PHF21A: variants seen among roughly 807,000 people sequenced by gnomAD.
PHF21A encodes PHD finger protein 21A, also known as BHC80a.
In PHF21A, 11 loss-of-function variants were observed where a neutral mutation model predicts 82.5. That is an observed-to-expected ratio of 0.13 (90% CI 0.08 to 0.22). The LOEUF (loss-of-function observed/expected upper bound fraction) is 0.22, where lower values mean the gene tolerates loss of function less well. Ranked by LOEUF, PHF21A falls within the 10% of genes least tolerant of loss-of-function variation. The pLI is 1.00. For synonymous variants in PHF21A, 297 were observed against 302.8 expected, an observed-to-expected ratio of 0.98 and a Z score of 0.20; for missense variants, 579 against 837.8, an observed-to-expected ratio of 0.69 and a Z score of 3.81.
chr11:45,939,046 A>T (rs760024902), intron 15 of PHF21A, among the ~76,000 whole-genome samples: 16 of 152,232 alleles, frequency 1.1e-4, no homozygotes, highest in Admixed American at 2.0e-4. Flanking sequence ...GTTAGCCAGG[A>T]TGGTCTCGAT....
intron 6 of PHF21A, among the ~76,000 whole-genome samples, chr11:46,025,012 A>G (rs2095711043): frequency 6.6e-6 from 1 of 152,178 alleles, no homozygotes; most frequent in South Asian, 2.1e-4. Context: ...ATGCTGTTCC[A>G]CCTCGCTTCT....
intron 6 of PHF21A, among the ~76,000 whole-genome samples, chr11:45,992,550 A>G (rs964990124): frequency 2.6e-4 from 40 of 152,186 alleles, no homozygotes; most frequent in African/African-American, 9.2e-4. Flanking sequence ...CCGTCTCAAA[A>G]AAGAAAATTT....
chr11:45,971,142 T>C lies in PHF21A; in HGVS notation c.586A>G (p.Ile196Val). ...VTGPGAEAVQIVAKNTVTLQV... is the reference protein window; with the variant it reads ...VTGPGAEAVQVVAKNTVTLQV... The stretch of plus-strand genomic sequence containing the variant: ...AGAGTGACTGTGTTTTTTGCCACAA[T>C]TTGGACAGCCTCTGCCCCAGGCCCA... The change falls in exon 8 of 19, where the codon ATT becomes GTT. Residue 196 changes from isoleucine (I) to valine (V), a missense_variant. Ile to Val is a conservative substitution (Grantham distance 29, BLOSUM62 3). This residue lies in a region of PHF21A where 410 missense variants were observed against 642.1 expected (regional missense o/e 0.64). Coordinates refer to ENST00000676320, the MANE Select transcript of PHF21A (RefSeq NM_001352027.3). 6.2e-7 allele frequency: 1 copy of C among 1,614,174 alleles called. No homozygotes were observed. The highest frequency in any genetic ancestry group is 1.3e-5 in the African/African-American group (1 of 75,054).
chr11:46,113,077 G>C (rs145321178), intron 1 of PHF21A, among the ~76,000 whole-genome samples: 1 of 152,312 alleles, frequency 6.6e-6, no homozygotes, highest in Non-Finnish European at 1.5e-5. Flanking sequence ...GGGCTGGGAA[G>C]CTGTGTATAA....
At chr11:46,011,922 A>C (rs2095422234) in intron 6 of PHF21A, among the ~76,000 whole-genome samples, 1 of 152,238 alleles carries the variant, frequency 6.6e-6, no homozygotes, top group South Asian at 2.1e-4. Flanking sequence ...AGGCACAAAA[A>C]TTAGAAGCAA....
intron 6 of PHF21A, among the ~76,000 whole-genome samples, chr11:45,982,915 G>A (rs1005145872): frequency 1.3e-5 from 2 of 152,126 alleles, no homozygotes; most frequent in Non-Finnish European, 2.9e-5. Context: ...TACTATACCA[G>A]TCACAAAAGG....
At chr11:46,098,556 T>C (rs1406572290) in intron 1 of PHF21A, among the ~76,000 whole-genome samples, 5 of 152,338 alleles carry the variant, frequency 3.3e-5, no homozygotes, top group Admixed American at 2.6e-4. Context: ...AAAATCCTTA[T>C]TCACAAGCTT....
At chr11:45,989,930 TG>T (rs1191427517) in intron 6 of PHF21A, among the ~76,000 whole-genome samples, 15 of 151,852 alleles carry the variant, frequency 9.9e-5, no homozygotes, top group African/African-American at 1.5e-4. Context: ...AGGTTGAGGC[TG>T]CAGTGAGCCA....
At chr11:45,946,368 C>T (rs1458503726) in intron 14 of PHF21A, among the ~76,000 whole-genome samples, 1 of 152,014 alleles carries the variant, frequency 6.6e-6, no homozygotes, top group Non-Finnish European at 1.5e-5. Flanking sequence ...GGAGCCAGGG[C>T]CAGGAATGAG....
intron 6 of PHF21A, among the ~76,000 whole-genome samples, chr11:46,013,528 T>A (rs2095452986): frequency 6.6e-6 from 1 of 152,188 alleles, no homozygotes; most frequent in Non-Finnish European, 1.5e-5. Context: ...GGGGGAGTAC[T>A]GTGTAATGTC....
chr11:46,040,439 G>A (rs946838064), intron 6 of PHF21A, among the ~76,000 whole-genome samples: 4 of 152,188 alleles, frequency 2.6e-5, no homozygotes, highest in African/African-American at 9.7e-5. Context: ...ATAAGTAGAA[G>A]AGAAAATGTC....
intron 6 of PHF21A, among the ~76,000 whole-genome samples, chr11:46,018,152 A>G (rs1016045696): frequency 3.3e-5 from 5 of 150,964 alleles, no homozygotes; most frequent in Admixed American, 6.6e-5. Context: ...TGGGAGGCTG[A>G]GGCAGGAGAA....
intron 4 of PHF21A, among the ~76,000 whole-genome samples, chr11:46,082,643 T>C (rs1024012518): frequency 3.3e-5 from 5 of 152,172 alleles, no homozygotes; most frequent in East Asian, 3.8e-4. Context: ...TTAAGAACTA[T>C]ATCCCTTTTG....
chr11:46,018,112 T>C (rs2095553660), intron 6 of PHF21A, among the ~76,000 whole-genome samples: 1 of 150,870 alleles, frequency 6.6e-6, no homozygotes, highest in South Asian at 2.1e-4. Flanking sequence ...TAGCCGGGCG[T>C]AGTGGCGGGC....
intron 6 of PHF21A, among the ~76,000 whole-genome samples, chr11:46,021,246 A>T (rs566950476): frequency 1.3e-5 from 2 of 152,004 alleles, no homozygotes; most frequent in Non-Finnish European, 2.9e-5. Context: ...TTTTTTGTAG[A>T]GATGGGGGTC....
chr11:46,084,933 G>A (rs2096838772), intron 3 of PHF21A, among the ~76,000 whole-genome samples: 2 of 152,170 alleles, frequency 1.3e-5, no homozygotes, highest in South Asian at 4.2e-4. Context: ...ACCCATCTCA[G>A]CCTCCCAAAG....
intron 6 of PHF21A, among the ~76,000 whole-genome samples, chr11:46,028,012 G>A (rs1309416592): frequency 2.0e-5 from 3 of 151,908 alleles, no homozygotes; most frequent in East Asian, 3.9e-4. Flanking sequence ...ATACAAACAG[G>A]GTAACATTTG....
At chr11:45,945,450 A>C (rs1161840332) in intron 15 of PHF21A, among the ~76,000 whole-genome samples, 4 of 152,226 alleles carry the variant, frequency 2.6e-5, no homozygotes, top group African/African-American at 9.6e-5. Flanking sequence ...TATTTGAAGC[A>C]GCAAACAAGG....
chr11:46,075,846 T>C (rs1268496072), intron 6 of PHF21A, among the ~76,000 whole-genome samples: 17 of 152,260 alleles, frequency 1.1e-4, no homozygotes, highest in Admixed American at 1.1e-3. Context: ...TCATTGTTAT[T>C]ATTTCACTAA....
Sources: allele counts gnomAD v4.1 joint callset (sites outside exome capture counted in the v4.1 genomes callset), GRCh38; gene constraint gnomAD v4.1.1; regional missense constraint gnomAD v4.1.1; transcripts MANE v1.5; gene names NCBI Gene and HGNC (gene_info 2026-07-23, HGNC 2026-07-21).